Variants in UTRN observed in about 807,000 individuals in gnomAD.
The protein encoded by UTRN is dystrophin-related protein 1.
Under a neutral mutation model 463.9 loss-of-function variants are expected in UTRN, and 283 were observed. The ratio of observed to expected loss-of-function variants is 0.61; its 90% confidence interval spans 0.55 to 0.67. The LOEUF (loss-of-function observed/expected upper bound fraction) is 0.67. Among genes scored for constraint, UTRN ranks in the 30% least tolerant of loss-of-function variants. UTRN has a pLI of 0.00. For synonymous variants in UTRN, 1,442 were observed against 1,431.5 expected, an observed-to-expected ratio of 1.01 and a Z score of -0.17; for missense variants, 3,922 against 4,084.3, an observed-to-expected ratio of 0.96 and a Z score of 1.08.
At chr6:144,635,514 C>CTTTTCTTTTCTTTTTTTTTTTTTTTTT (rs1777035213) in intron 51 of UTRN, among the ~76,000 whole-genome samples, 1 of 80,012 alleles carries the variant, frequency 1.2e-5, no homozygotes, top group African/African-American at 4.9e-5. Flanking sequence ...CTTTTTTTTT[C>CTTTTCTTTTCTTTTTTTTTTTTTTTTT]TTTTTTTTTT....
chr6:144,470,389 G>A (rs561254698), intron 23 of UTRN, among the ~76,000 whole-genome samples: 1 of 151,842 alleles, frequency 6.6e-6, no homozygotes, highest in Non-Finnish European at 1.5e-5. Context: ...TACCAGATGG[G>A]GTGGCTGCTG....
intron 48 of UTRN, among the ~76,000 whole-genome samples, chr6:144,553,039 T>C (rs9321980): frequency 0.11 from 17,315 of 152,132 alleles, 1,829 homozygotes; most frequent in East Asian, 0.54. Flanking sequence ...GCCTTGTTGA[T>C]AGCTTTTTTG....
chr6:144,645,129 G>A (rs915032053), intron 51 of UTRN, among the ~76,000 whole-genome samples: 2 of 152,122 alleles, frequency 1.3e-5, no homozygotes, highest in Non-Finnish European at 2.9e-5. Context: ...TCTTTGTTGT[G>A]GAGAGTTGGT....
At chr6:144,797,659 T>G (rs1387436641) in intron 63 of UTRN, 165 bp from the exon 64 acceptor site, 14 of 643,576 alleles carry the variant, frequency 2.2e-5, no homozygotes, top group Non-Finnish European at 3.1e-5. Context: ...GTTCTAGAAT[T>G]TTCTTGACTT....
intron 3 of UTRN, among the ~76,000 whole-genome samples, chr6:144,409,408 G>A (rs1044676965): frequency 3.3e-5 from 5 of 152,142 alleles, no homozygotes; most frequent in East Asian, 3.9e-4. Flanking sequence ...TGTAATTGAC[G>A]ATCAGTTTAG....
intron 3 of UTRN, among the ~76,000 whole-genome samples, chr6:144,405,995 T>C (rs1303423581): frequency 2.6e-5 from 4 of 152,260 alleles, no homozygotes; most frequent in Non-Finnish European, 4.4e-5. Flanking sequence ...GGAAAATAGG[T>C]ATGCAAATGA....
intron 51 of UTRN, among the ~76,000 whole-genome samples, chr6:144,612,254 C>G (rs748289413): frequency 6.6e-6 from 1 of 152,108 alleles, no homozygotes; most frequent in Non-Finnish European, 1.5e-5. Context: ...AATATAAGAC[C>G]TGAAACTGTA....
chr6:144,607,967 C>T (rs1805050455), intron 51 of UTRN, among the ~76,000 whole-genome samples: 1 of 152,160 alleles, frequency 6.6e-6, no homozygotes, highest in Non-Finnish European at 1.5e-5. Context: ...CACTCTACTG[C>T]CTTCTAACAC....
At chr6:144,732,257 T>TATATATATATATAC (rs1562832796) in intron 54 of UTRN, among the ~76,000 whole-genome samples, 1 of 85,506 alleles carries the variant, frequency 1.2e-5, no homozygotes, top group East Asian at 4.8e-4. Flanking sequence ...TATATATATA[T>TATATATATATATAC]ACACACATAT....
At chr6:144,676,016 C>T (rs987042795) in intron 51 of UTRN, among the ~76,000 whole-genome samples, 1 of 152,040 alleles carries the variant, frequency 6.6e-6, no homozygotes, top group African/African-American at 2.4e-5. Flanking sequence ...TTTACTTAAA[C>T]TGCCCCCAAA....
At chr6:144,410,817 T>TGC (rs1301543771) in intron 3 of UTRN, among the ~76,000 whole-genome samples, 1 of 126,494 alleles carries the variant, frequency 7.9e-6, no homozygotes, top group African/African-American at 3.6e-5. Flanking sequence ...TGTGTGTGTG[T>TGC]GTGTATATAC....
At chr6:144,344,300 A>G in intron 2 of UTRN, 2 of 1,304,100 alleles carry the variant, frequency 1.5e-6, no homozygotes, top group Non-Finnish European at 2.0e-6. Context: ...GCAAGCGATT[A>G]CCAGGTAAGT....
chr6:144,822,618 A>G (rs543204012), intron 66 of UTRN, among the ~76,000 whole-genome samples: 9 of 152,288 alleles, frequency 5.9e-5, no homozygotes, highest in South Asian at 4.1e-4. Flanking sequence ...GTTCGAATAC[A>G]TTCAGGAACA....
chr6:144,628,524 A>T (rs1776180084), intron 51 of UTRN, among the ~76,000 whole-genome samples: 1 of 152,102 alleles, frequency 6.6e-6, no homozygotes, highest in Non-Finnish European at 1.5e-5. Context: ...GAGCTGTTTA[A>T]ACTGTGTTTC....
At chr6:144,727,492 C>T (rs1787996021) in intron 53 of UTRN, among the ~76,000 whole-genome samples, 1 of 152,226 alleles carries the variant, frequency 6.6e-6, no homozygotes, top group Admixed American at 6.5e-5. Context: ...GGCGTGGTGG[C>T]CCATGCCTAT....
rs1434303328 is a variant in UTRN, at chr6:144,444,331, G to A, written c.1563G>A (p.Trp521Ter). The change falls in exon 14 of 75, where the codon TGG becomes TGA. Residue 521 changes from tryptophan (W) to a stop codon, truncating the protein, a stop_gained. Coordinates refer to ENST00000367545, the MANE Select transcript of UTRN (RefSeq NM_007124.3). LOFTEE classifies it high-confidence loss of function. Reference protein sequence around the residue: ...TAVCRWTEERWNRLQEINILW... With the variant: ...TAVCRWTEER ...TATGCCGTTGGACTGAAGAACGCTGGAATAGGTTACAAGAAATCAATATAT... is the reference window on the plus strand; with the variant it reads ...TATGCCGTTGGACTGAAGAACGCTGAAATAGGTTACAAGAAATCAATATAT... The A allele has an allele frequency of 6.2e-7, 1 of 1,611,666 alleles. No homozygotes were observed. The highest frequency in any genetic ancestry group is 8.5e-7 in the Non-Finnish European group (1 of 1,178,564).
At chr6:144,666,029 C>A (rs1303276084) in intron 51 of UTRN, among the ~76,000 whole-genome samples, 1 of 152,138 alleles carries the variant, frequency 6.6e-6, no homozygotes, top group African/African-American at 2.4e-5. Flanking sequence ...TATCAGTAAC[C>A]ATTTTGTGCT....
intron 44 of UTRN, 68 bp downstream of exon 44, chr6:144,537,785 C>G: frequency 6.5e-7 from 1 of 1,527,364 alleles, no homozygotes; most frequent in Non-Finnish European, 8.8e-7. Context: ...TCACATACTG[C>G]GTGTCTCAAG....
intron 32 of UTRN, among the ~76,000 whole-genome samples, chr6:144,491,341 CAAAA>C (rs1562480406): frequency 6.6e-6 from 1 of 152,138 alleles, no homozygotes; most frequent in Admixed American, 6.5e-5. Context: ...AACATGATGA[CAAAA>C]ACCAAAACAA....
Sources: gnomAD v4.1 joint callset for allele counts (sites outside exome capture counted in the v4.1 genomes callset) on GRCh38, gnomAD v4.1.1 for gene constraint, MANE v1.5 for transcripts, NCBI Gene and HGNC (gene_info 2026-07-23, HGNC 2026-07-21) for gene names.